MAP7: variants seen among roughly 807,000 people sequenced by gnomAD.
MAP7 encodes the protein ensconsin.
MAP7 carries 52 observed loss-of-function variants against 94.8 expected under a neutral mutation model. That is an observed-to-expected ratio of 0.55 (90% CI 0.44 to 0.69). MAP7 has a LOEUF of 0.69. Among genes scored for constraint, MAP7 ranks in the 30% least tolerant of loss-of-function variants. The pLI, the probability that MAP7 is intolerant of heterozygous loss-of-function variation, is 0.00. For missense variants in MAP7, 940 were observed against 964.6 expected, an observed-to-expected ratio of 0.97 and a Z score of 0.34; for synonymous variants, 350 against 357.0, an observed-to-expected ratio of 0.98 and a Z score of 0.22.
At chr6:136,498,749 ATGTGTGTG>A (rs10634782) in intron 1 of MAP7, among the ~76,000 whole-genome samples, 2 of 149,046 alleles carry the variant, frequency 1.3e-5, no homozygotes, top group Middle Eastern at 3.5e-3. Flanking sequence ...CTATATGGCA[ATGTGTGTG>A]TGTGTGTGTG....
intron 2 of MAP7, among the ~76,000 whole-genome samples, chr6:136,416,901 CA>C (rs1789659414): frequency 6.6e-6 from 1 of 152,054 alleles, no homozygotes; most frequent in Admixed American, 6.6e-5. Flanking sequence ...TGCTTGAGTC[CA>C]GGAGTTTGAG....
chr6:136,492,135 CTG>C (rs1816805403), intron 1 of MAP7, among the ~76,000 whole-genome samples: 1 of 152,216 alleles, frequency 6.6e-6, no homozygotes, highest in South Asian at 2.1e-4. Context: ...CAGGATGAAA[CTG>C]TCATACCTCA....
intron 3 of MAP7, 103 bp from the exon 4 acceptor site, chr6:136,389,620 T>C (rs768895492): frequency 2.9e-6 from 3 of 1,034,200 alleles, no homozygotes; most frequent in South Asian, 1.5e-5. Context: ...AATGAACAAA[T>C]ATGGGTTCTT....
Position 136,355,890 on chromosome 6 carries a change from T to G in MAP7, c.2015+802A>C, listed in dbSNP as rs548107919. ...GTTTTTGAAAATGTTCATATGATGC[T>G]GTTGATATAATTACAAGAAAAGAGA... On this transcript the variant is annotated intron_variant, in intron 16 of 17. Coordinates refer to ENST00000354570, the MANE Select transcript of MAP7 (RefSeq NM_003980.6). Among the ~76,000 whole-genome samples, 5 of 152,362 alleles carry G rather than the reference T, an allele frequency of 3.3e-5. No individual in the cohort carries two copies. In the South Asian group the frequency reaches 1.0e-3, roughly 32 times the overall value.
chr6:136,435,331 A>G (rs958448774), intron 1 of MAP7, among the ~76,000 whole-genome samples: 2 of 152,100 alleles, frequency 1.3e-5, no homozygotes, highest in Non-Finnish European at 2.9e-5. Flanking sequence ...CTATCTCCCC[A>G]TTCTCTTCTT....
intron 1 of MAP7, among the ~76,000 whole-genome samples, chr6:136,493,632 AC>A (rs1174064874): frequency 1.3e-5 from 2 of 151,822 alleles, no homozygotes; most frequent in African/African-American, 4.8e-5. Flanking sequence ...TGTCAGTTAA[AC>A]CCTCCCCTTA....
chr6:136,350,613 A>C (rs554996401), intron 16 of MAP7, among the ~76,000 whole-genome samples: 19 of 152,370 alleles, frequency 1.2e-4, no homozygotes, highest in Admixed American at 7.2e-4. Context: ...CAGGAGGCCA[A>C]GGTGGGATGA....
At chr6:136,425,472 A>G (rs1792869792) in intron 1 of MAP7, among the ~76,000 whole-genome samples, 1 of 152,212 alleles carries the variant, frequency 6.6e-6, no homozygotes, top group Admixed American at 6.5e-5. Flanking sequence ...GTTAAAATTT[A>G]ACAACTTTTA....
At chr6:136,542,265 C>T (rs765093461) in intron 1 of MAP7, among the ~76,000 whole-genome samples, 8 of 152,022 alleles carry the variant, frequency 5.3e-5, no homozygotes, top group Non-Finnish European at 7.4e-5. Context: ...ACAACATCAC[C>T]GCTAGAGAAC....
intron 1 of MAP7, among the ~76,000 whole-genome samples, chr6:136,514,225 T>C (rs552773134): frequency 1.3e-5 from 2 of 152,246 alleles, no homozygotes; most frequent in African/African-American, 4.8e-5. Context: ...GACTTGAAAG[T>C]CAAAATTATT....
At chr6:136,345,053 G>C (rs998648542) in intron 17 of MAP7, among the ~76,000 whole-genome samples, 1 of 152,214 alleles carries the variant, frequency 6.6e-6, no homozygotes, top group Non-Finnish European at 1.5e-5. Context: ...CAACAAAATT[G>C]AAACAGGTTT....
chr6:136,481,436 T>TA lies in MAP7; in HGVS notation c.68-59638dup, dbSNP rs144735817. Among the ~76,000 whole-genome samples, 1,886 of 152,160 alleles carry TA rather than the reference T, an allele frequency of 0.012. 85 individuals carry two copies. In the East Asian group the frequency reaches 0.14, roughly 11 times the overall value. ...TGCACAATGGAGAACGACTCAGCCATAAAAAAGAATGAGATCTTGCTATTT... is the reference window on the plus strand; with the variant it reads ...TGCACAATGGAGAACGACTCAGCCATAAAAAAAGAATGAGATCTTGCTATTT... On this transcript the variant is annotated intron_variant, in intron 1 of 17. Transcript: ENST00000354570.
chr6:136,428,765 A>G (rs1159377962), intron 1 of MAP7, among the ~76,000 whole-genome samples: 1 of 152,186 alleles, frequency 6.6e-6, no homozygotes. Context: ...ATCGGCATTC[A>G]GTCATTGATA....
chr6:136,461,590 A>C (rs1050987425), intron 1 of MAP7, among the ~76,000 whole-genome samples: 6 of 152,174 alleles, frequency 3.9e-5, no homozygotes, highest in Non-Finnish European at 8.8e-5. Context: ...ATTGTCTGTG[A>C]TATTAGAAAC....
chr6:136,518,289 T>C (rs922938737), intron 1 of MAP7, among the ~76,000 whole-genome samples: 2 of 152,164 alleles, frequency 1.3e-5, no homozygotes, highest in Non-Finnish European at 2.9e-5. Flanking sequence ...TCATTCCCAC[T>C]CCACACTGGA....
chr6:136,354,205 A>G (rs1790134619), intron 16 of MAP7, among the ~76,000 whole-genome samples: 1 of 143,052 alleles, frequency 7.0e-6, no homozygotes, highest in East Asian at 2.6e-4. Context: ...TACTATATAT[A>G]AATTTCCTTT....
At chr6:136,429,434 A>G (rs1354797417) in intron 1 of MAP7, among the ~76,000 whole-genome samples, 1 of 152,236 alleles carries the variant, frequency 6.6e-6, no homozygotes, top group Non-Finnish European at 1.5e-5. Context: ...AAGCATGTGA[A>G]CATTACAGCC....
At chr6:136,370,528 C>A (rs538990015) in intron 8 of MAP7, among the ~76,000 whole-genome samples, 1 of 152,156 alleles carries the variant, frequency 6.6e-6, no homozygotes, top group East Asian at 1.9e-4. Context: ...AACACATGAA[C>A]TGATAAACAA....
At chr6:136,433,812 G>A (rs1795620377) in intron 1 of MAP7, among the ~76,000 whole-genome samples, 2 of 152,186 alleles carry the variant, frequency 1.3e-5, no homozygotes, top group South Asian at 4.1e-4. Context: ...GCAAAAGGGT[G>A]GAAGAACACT....
Sources: allele counts gnomAD v4.1 joint callset (sites outside exome capture counted in the v4.1 genomes callset), GRCh38; gene constraint gnomAD v4.1.1; transcripts MANE v1.5; gene names NCBI Gene and HGNC (gene_info 2026-07-23, HGNC 2026-07-21).